The following TTC27 variants were observed in gnomAD, a reference collection of about 807,000 sequenced individuals.
The protein encoded by TTC27 is tetratricopeptide repeat protein 27.
In TTC27, 79 loss-of-function variants were observed where a neutral mutation model predicts 115.9. The ratio of observed to expected loss-of-function variants is 0.68; its 90% CI spans 0.57 to 0.82. The LOEUF is 0.82. TTC27 is among the 40% of genes least tolerant of loss of function. The probability of loss-of-function intolerance (pLI) is 0.00; values close to 1 mark genes in which losing one functional copy is unlikely to be tolerated. For missense variants in TTC27, 1,054 were observed against 993.1 expected (o/e 1.06, Z -0.82); for synonymous variants, 401 against 356.0 (o/e 1.13, Z -1.42).
At chr2:32,713,346 G>T (rs1313842495) in intron 10 of TTC27, among the ~76,000 whole-genome samples, 1 of 150,444 alleles carries the variant, frequency 6.6e-6, no homozygotes. Flanking sequence ...AAACATTTTT[G>T]AAAAAAAAAT....
At chr2:32,684,930 A>C (rs1240037073) in intron 9 of TTC27, among the ~76,000 whole-genome samples, 3 of 151,692 alleles carry the variant, frequency 2.0e-5, no homozygotes, top group African/African-American at 7.2e-5. Context: ...ACCAAAAAAA[A>C]AAAAAAGACA....
intron 2 of TTC27, 32 bp from the exon 3 acceptor site, chr2:32,633,844 A>T: frequency 6.2e-7 from 1 of 1,605,134 alleles, no homozygotes; most frequent in Non-Finnish European, 8.5e-7. Context: ...ATAGTAGTTC[A>T]TATTTATTTC....
intron 16 of TTC27, among the ~76,000 whole-genome samples, chr2:32,809,680 T>C (rs760948565): frequency 2.6e-5 from 4 of 152,234 alleles, no homozygotes; most frequent in Non-Finnish European, 5.9e-5. Flanking sequence ...GTGTTTTCTG[T>C]GCCTTCAGAT....
intron 10 of TTC27, among the ~76,000 whole-genome samples, chr2:32,711,239 A>ATGCTGCATTATC (rs1406930530): frequency 6.6e-6 from 1 of 152,150 alleles, no homozygotes; most frequent in Non-Finnish European, 1.5e-5. Flanking sequence ...TGCCATTCAA[A>ATGCTGCATTATC]TGCTGCATTA....
At chr2:32,744,515 A>G (rs2151920547) in intron 12 of TTC27, among the ~76,000 whole-genome samples, 1 of 152,318 alleles carries the variant, frequency 6.6e-6, no homozygotes, top group South Asian at 2.1e-4. Flanking sequence ...TGTTCCTAGA[A>G]GCTCTTTCAA....
chr2:32,695,133 C>G lies in TTC27; in HGVS notation c.1120-7674C>G, dbSNP rs146201014. On this transcript the variant is annotated intron_variant, in intron 9 of 19. Coordinates refer to ENST00000317907, the MANE Select transcript of TTC27 (RefSeq NM_017735.5). ...AGTGTTGTGCAACCATCAGTATTATCAATATGCAGAACTTTTTCAGCTTTC... is the reference window on the plus strand; with the variant it reads ...AGTGTTGTGCAACCATCAGTATTATGAATATGCAGAACTTTTTCAGCTTTC... 5.5e-4 allele frequency among the ~76,000 whole-genome samples: 84 copies of G among 152,252 alleles called. 1 individual carries two copies. In the East Asian group the frequency reaches 0.015, roughly 28 times the overall value.
At position 32,656,985 on chromosome 2, in the gene TTC27, C is replaced by CTT. The variant is rs11386617; in HGVS notation, c.640+6769_640+6770dup. ...CCTTGCAGTAAGATCTAGCACAATT[C>CTT]TTTTTTTTTTTTTTTTTTGAGACGG... On this transcript the variant is annotated intron_variant, in intron 5 of 19. Coordinates refer to ENST00000317907, the MANE Select transcript of TTC27 (RefSeq NM_017735.5). 2.3e-3 allele frequency among the ~76,000 whole-genome samples: 307 copies of CTT among 131,430 alleles called. 5 individuals carry two copies. Among genetic ancestry groups the CTT allele is most frequent in the Middle Eastern group, 8.1e-3 (2 of 246 alleles). The allele number at this position is 131,430 out of a possible 152,430, so 86.2% of individuals were successfully genotyped here. A position where few individuals can be genotyped will look rare whatever the true frequency, so the allele number is the denominator to read the frequency against.
chr2:32,757,033 G>C (rs924782713), intron 12 of TTC27, among the ~76,000 whole-genome samples: 1 of 152,186 alleles, frequency 6.6e-6, no homozygotes, highest in African/African-American at 2.4e-5. Context: ...AATTTCTAAA[G>C]TGAATGGGCT....
intron 13 of TTC27, among the ~76,000 whole-genome samples, chr2:32,768,881 ATTGATAGCCATAGGGATT>A (rs1397480388): frequency 1.3e-5 from 2 of 152,206 alleles, no homozygotes; most frequent in East Asian, 1.9e-4. Flanking sequence ...AAATGTCTCT[ATTGATAGCCATAGGGATT>A]TAGGAGGAAG....
Position 32,736,851 on chromosome 2 carries a change from G to A in TTC27, c.1452+35G>A, listed in dbSNP as rs200085483. On this transcript the variant is annotated intron_variant, in intron 12 of 19. Transcript: ENST00000317907. ...AGTCCAATTTGATGTACTGGTGAGA[G>A]CCTTCCCTCTGGGAGCATCTTCTCA... 27 of 1,607,386 alleles carry A rather than the reference G, an allele frequency of 1.7e-5. No individual in the cohort carries two copies. The Admixed American group carries it at 4.6e-4, about 27-fold the overall frequency.
At chr2:32,712,940 A>C (rs1038433029) in intron 10 of TTC27, among the ~76,000 whole-genome samples, 5 of 152,156 alleles carry the variant, frequency 3.3e-5, no homozygotes, top group African/African-American at 9.7e-5. Context: ...GATGTGGTGG[A>C]AACTTAATCC....
At chr2:32,667,414 CTTTTTTTT>C (rs58456949) in intron 7 of TTC27, among the ~76,000 whole-genome samples, 1 of 127,042 alleles carries the variant, frequency 7.9e-6, no homozygotes, top group Non-Finnish European at 1.7e-5. Context: ...CCCCCAACTA[CTTTTTTTT>C]TTTTTTTTTT....
intron 16 of TTC27, among the ~76,000 whole-genome samples, chr2:32,797,792 CA>C (rs1346728346): frequency 3.3e-5 from 5 of 151,970 alleles, no homozygotes; most frequent in Non-Finnish European, 5.9e-5. Context: ...AAATTTTGTG[CA>C]CCAAAAACAG....
At chr2:32,762,315 G>GTC (rs1328488867) in intron 13 of TTC27, among the ~76,000 whole-genome samples, 1 of 142,962 alleles carries the variant, frequency 7.0e-6, no homozygotes, top group Non-Finnish European at 1.6e-5. Flanking sequence ...GTGTGTGTGT[G>GTC]TGTGTGTGTG....
chr2:32,697,885 G>T (rs1667046725), intron 9 of TTC27, among the ~76,000 whole-genome samples: 1 of 152,052 alleles, frequency 6.6e-6, no homozygotes, highest in Admixed American at 6.6e-5. Flanking sequence ...CTGAGTGGCT[G>T]GAATTGTAGG....
chr2:32,754,960 A>AG (rs1252699117), intron 12 of TTC27, among the ~76,000 whole-genome samples: 1 of 148,200 alleles, frequency 6.7e-6, no homozygotes, highest in Non-Finnish European at 1.5e-5. Context: ...TGCTGGGTGG[A>AG]GGGGCTCCTC....
chr2:32,765,994 T>C (rs1389301662), intron 13 of TTC27, among the ~76,000 whole-genome samples: 1 of 152,144 alleles, frequency 6.6e-6, no homozygotes, highest in Non-Finnish European at 1.5e-5. Context: ...AATAAGGCCA[T>C]TTCGCTTTCT....
chr2:32,741,766 T>G (rs1274360881), intron 12 of TTC27, among the ~76,000 whole-genome samples: 1 of 152,210 alleles, frequency 6.6e-6, no homozygotes, highest in African/African-American at 2.4e-5. Context: ...GAGTAACTAG[T>G]AAGTGATCAC....
intron 9 of TTC27, among the ~76,000 whole-genome samples, chr2:32,681,153 A>C (rs1014300375): frequency 6.6e-6 from 1 of 152,176 alleles, no homozygotes; most frequent in African/African-American, 2.4e-5. Flanking sequence ...ACAATGACTC[A>C]CAGTGCTTGG....
Sources: allele counts gnomAD v4.1 joint callset (sites outside exome capture counted in the v4.1 genomes callset), GRCh38; gene constraint gnomAD v4.1.1; transcripts MANE v1.5; gene names NCBI Gene and HGNC (gene_info 2026-07-23, HGNC 2026-07-21).